The following SCEL variants were observed in gnomAD, a reference collection of about 807,000 sequenced individuals.
SCEL encodes sciellin.
In SCEL, 113 loss-of-function variants were observed where a neutral mutation model predicts 117.6. The ratio of observed to expected loss-of-function variants is 0.96; its 90% CI spans 0.83 to 1.12. The LOEUF is 1.12. SCEL is among the 50% of genes most tolerant of loss of function. The pLI is 0.00. For synonymous variants in SCEL, 270 were observed against 256.2 expected, an observed-to-expected ratio of 1.05 and a Z score of -0.51; for missense variants, 785 against 810.8, an observed-to-expected ratio of 0.97 and a Z score of 0.39.
chr13:77,563,492 G>A (rs1450146198), intron 4 of SCEL, among the ~76,000 whole-genome samples: 3 of 152,168 alleles, frequency 2.0e-5, no homozygotes, highest in Non-Finnish European at 4.4e-5. Flanking sequence ...AAACAACATT[G>A]ACAAGAGTAC....
chr13:77,559,732 T>C (rs2084866664), intron 3 of SCEL, 72 bp from the exon 4 acceptor site: 1 of 1,358,096 alleles, frequency 7.4e-7, no homozygotes, highest in South Asian at 1.2e-5. Flanking sequence ...CGCCCGCATG[T>C]CTCTCTCATT....
In SCEL at chr13:77,603,264, G is replaced by A. The variant is rs370633447; in HGVS notation, c.1097+129G>A. The A allele has an allele frequency of 1.2e-4, 55 of 474,820 alleles. No homozygotes were observed. In the South Asian group the frequency reaches 1.9e-3, roughly 16 times the overall value. 29.4% of individuals were successfully genotyped at this position (474,820 alleles called of 1,614,324 possible). Reference sequence around the variant, plus strand: ...ATTAGACAATAAAGATAGGCCACACGACCATCCCTCCTTATCCCCAATAAA... The same window carrying A: ...ATTAGACAATAAAGATAGGCCACACAACCATCCCTCCTTATCCCCAATAAA... On this transcript the variant is annotated intron_variant, in intron 18 of 32. Transcript: ENST00000349847.
intron 9 of SCEL, among the ~76,000 whole-genome samples, chr13:77,585,800 C>T (rs1406278487): frequency 2.6e-5 from 4 of 152,220 alleles, no homozygotes; most frequent in East Asian, 3.9e-4. Context: ...CCTTGCTGAG[C>T]GTGTCATTTG....
chr13:77,540,883 T>G (rs1188426074), intron 1 of SCEL, among the ~76,000 whole-genome samples: 1 of 152,128 alleles, frequency 6.6e-6, no homozygotes, highest in African/African-American at 2.4e-5. Flanking sequence ...GTCTGGAGAT[T>G]GAGAATGTAG....
At chr13:77,636,846 A>C (rs2090302436) in intron 29 of SCEL, among the ~76,000 whole-genome samples, 1 of 152,082 alleles carries the variant, frequency 6.6e-6, no homozygotes, top group African/African-American at 2.4e-5. Flanking sequence ...TGCAAGTATA[A>C]ATTTCATGAA....
At chr13:77,555,313 A>T (rs912859948) in intron 1 of SCEL, among the ~76,000 whole-genome samples, 2 of 152,116 alleles carry the variant, frequency 1.3e-5, no homozygotes, top group Non-Finnish European at 2.9e-5. Flanking sequence ...GCCTAAAATC[A>T]CCAGTGTTTC....
intron 28 of SCEL, among the ~76,000 whole-genome samples, 161 bp downstream of exon 28, chr13:77,628,170 G>GTATATATATATA (rs67297453): frequency 9.3e-5 from 13 of 139,738 alleles, no homozygotes; most frequent in African/African-American, 1.3e-4. Flanking sequence ...ATATGTGTGT[G>GTATATATATATA]TATATATATA....
chr13:77,537,416 A>G (rs976100792), intron 1 of SCEL, among the ~76,000 whole-genome samples: 7 of 152,222 alleles, frequency 4.6e-5, no homozygotes, highest in African/African-American at 1.7e-4. Flanking sequence ...TTATCATAAA[A>G]TATGTAGTAG....
At chr13:77,621,665 A>G (rs10507872) in intron 27 of SCEL, among the ~76,000 whole-genome samples, 6,853 of 152,272 alleles carry the variant, frequency 0.045, 495 homozygotes, top group African/African-American at 0.15. Flanking sequence ...TGCCTGGTAC[A>G]TGTTAGGTAT....
At chr13:77,602,172 T>C in intron 16 of SCEL, 48 bp downstream of exon 16, 1 of 1,482,908 alleles carries the variant, frequency 6.7e-7, no homozygotes, top group Non-Finnish European at 9.3e-7. Flanking sequence ...TCAGGTTAGC[T>C]TTTTTACCTC....
In SCEL at chr13:77,571,339, C is replaced by T. The variant is rs546233942; in HGVS notation, c.480-785C>T. 2.7e-5 allele frequency among the ~76,000 whole-genome samples: 4 copies of T among 145,946 alleles called. No homozygotes were observed. In the East Asian group the frequency reaches 6.1e-4, roughly 22 times the overall value. ...GAGCTTGCAGTGAGCCGAGATCGCG[C>T]CACTGCACTCCAGCCTGGGAGACAG... On this transcript the variant is annotated intron_variant, in intron 8 of 32. Coordinates refer to ENST00000349847, the MANE Select transcript of SCEL (RefSeq NM_144777.3).
intron 28 of SCEL, among the ~76,000 whole-genome samples, chr13:77,630,856 T>G (rs2089990520): frequency 6.6e-6 from 1 of 152,226 alleles, no homozygotes; most frequent in Non-Finnish European, 1.5e-5. Context: ...GGAGGATAAC[T>G]TCCTAACAAT....
At chr13:77,608,272 A>C (rs1379633689) in intron 20 of SCEL, among the ~76,000 whole-genome samples, 157 bp downstream of exon 20, 1 of 152,192 alleles carries the variant, frequency 6.6e-6, no homozygotes. Flanking sequence ...TTGAATGCTG[A>C]GCTTCAGCCT....
chr13:77,623,716 C>T (rs1002114683), intron 27 of SCEL, among the ~76,000 whole-genome samples: 13 of 152,124 alleles, frequency 8.5e-5, no homozygotes, highest in Non-Finnish European at 1.8e-4. Flanking sequence ...TTCTTTCTCC[C>T]CCTCATGAAA....
At chr13:77,558,186 G>A (rs928494469) in intron 3 of SCEL, among the ~76,000 whole-genome samples, 1 of 152,178 alleles carries the variant, frequency 6.6e-6, no homozygotes, top group African/African-American at 2.4e-5. Flanking sequence ...ATCACAGTTG[G>A]GAGGAATGTT....
chr13:77,618,104 G>C, intron 27 of SCEL, 44 bp downstream of exon 27: 2 of 1,489,852 alleles, frequency 1.3e-6, no homozygotes, highest in Non-Finnish European at 1.9e-6. Flanking sequence ...AGTTTCTAGG[G>C]TAGGAACTTC....
intron 1 of SCEL, among the ~76,000 whole-genome samples, chr13:77,553,575 T>A (rs955536736): frequency 2.0e-5 from 3 of 152,168 alleles, no homozygotes; most frequent in Admixed American, 6.5e-5. Context: ...ACCTTCATTT[T>A]GCCAGAGTTT....
intron 16 of SCEL, chr13:77,602,375 G>A (rs748355976): frequency 6.2e-6 from 3 of 486,734 alleles, no homozygotes; most frequent in Non-Finnish European, 1.1e-5. Context: ...ATAATTAAGA[G>A]ATGAGTCAAA....
chr13:77,582,650 A>T (rs917546137), intron 9 of SCEL, among the ~76,000 whole-genome samples: 1 of 152,058 alleles, frequency 6.6e-6, no homozygotes, highest in Non-Finnish European at 1.5e-5. Flanking sequence ...AATAGCAAAT[A>T]TTTTTTCCAG....
Sources: allele counts gnomAD v4.1 joint callset (sites outside exome capture counted in the v4.1 genomes callset), GRCh38; gene constraint gnomAD v4.1.1; transcripts MANE v1.5; gene names NCBI Gene and HGNC (gene_info 2026-07-23, HGNC 2026-07-21).